HDAC9: variants seen among roughly 807,000 people sequenced by gnomAD.
HDAC9 encodes the protein histone deacetylase 9.
A neutral mutation model predicts 139.4 loss-of-function variants in HDAC9; 41 were observed. That is an observed-to-expected ratio of 0.29 (90% CI 0.23 to 0.38). HDAC9 has a LOEUF of 0.38. Ranked by LOEUF, HDAC9 falls within the 10% of genes least tolerant of loss-of-function variation. HDAC9 has a pLI of 1.00. For missense variants in HDAC9, 1,147 were observed against 1,297.0 expected, an observed-to-expected ratio of 0.88 and a Z score of 1.78; for synonymous variants, 517 against 476.2, an observed-to-expected ratio of 1.09 and a Z score of -1.12.
intron 13 of HDAC9, among the ~76,000 whole-genome samples, chr7:18,735,454 T>G (rs1786795032): frequency 6.6e-6 from 1 of 152,166 alleles, no homozygotes; most frequent in Non-Finnish European, 1.5e-5. Flanking sequence ...TCTACATATG[T>G]CTAGCCAGTT....
At chr7:18,201,240 C>G (rs897079551) in intron 2 of HDAC9, among the ~76,000 whole-genome samples, 4 of 152,118 alleles carry the variant, frequency 2.6e-5, no homozygotes, top group African/African-American at 9.7e-5. Context: ...AAATGTAGCT[C>G]CCCATATGTT....
At chr7:18,813,973 T>C (rs1794381215) in intron 17 of HDAC9, among the ~76,000 whole-genome samples, 2 of 152,200 alleles carry the variant, frequency 1.3e-5, no homozygotes, top group Admixed American at 1.3e-4. Flanking sequence ...AATGTCAGTT[T>C]CTCATTTGTA....
intron 17 of HDAC9, among the ~76,000 whole-genome samples, chr7:18,808,740 A>G (rs1001882381): frequency 6.6e-6 from 1 of 152,082 alleles, no homozygotes; most frequent in Non-Finnish European, 1.5e-5. Context: ...ATTCAATTCA[A>G]TCCTATCAAA....
At chr7:18,579,888 G>A (rs536334229) in intron 2 of HDAC9, among the ~76,000 whole-genome samples, 12 of 152,136 alleles carry the variant, frequency 7.9e-5, no homozygotes, top group African/African-American at 2.6e-4. Context: ...ACAAAATTGC[G>A]CATTCTTAAA....
chr7:18,579,907 A>G (rs1046222453), intron 2 of HDAC9, among the ~76,000 whole-genome samples: 2 of 152,124 alleles, frequency 1.3e-5, no homozygotes, highest in African/African-American at 2.4e-5. Flanking sequence ...AAGTTTTTTC[A>G]TACGTAAGGC....
At chr7:18,639,766 G>A (rs1246490881) in intron 8 of HDAC9, among the ~76,000 whole-genome samples, 1 of 151,986 alleles carries the variant, frequency 6.6e-6, no homozygotes, top group African/African-American at 2.4e-5. Context: ...TAAAGCCAAA[G>A]CTGATTGACA....
chr7:18,898,418 CAT>C (rs1045871354), intron 22 of HDAC9, among the ~76,000 whole-genome samples: 51 of 151,704 alleles, frequency 3.4e-4, no homozygotes, highest in Non-Finnish European at 1.0e-4. Flanking sequence ...ATTCTAAAAG[CAT>C]GTTATATTTT....
chr7:18,882,816 A>C (rs1006449146), intron 22 of HDAC9, among the ~76,000 whole-genome samples: 2 of 152,178 alleles, frequency 1.3e-5, no homozygotes, highest in African/African-American at 4.8e-5. Context: ...TGAGCACAAA[A>C]TATACAACAC....
At chr7:18,448,623 G>C (rs1488831253) in intron 1 of HDAC9, among the ~76,000 whole-genome samples, 1 of 152,072 alleles carries the variant, frequency 6.6e-6, no homozygotes, top group Admixed American at 6.6e-5. Context: ...TTTGAAAATG[G>C]ACCCATTCCA....
chr7:18,338,663 A>G (rs1562892612), intron 1 of HDAC9, among the ~76,000 whole-genome samples: 1 of 151,576 alleles, frequency 6.6e-6, no homozygotes, highest in Non-Finnish European at 1.5e-5. Flanking sequence ...TGGTCAAGGT[A>G]TATAATGCTT....
At chr7:18,304,379 C>T (rs924649627) in intron 1 of HDAC9, among the ~76,000 whole-genome samples, 9 of 152,178 alleles carry the variant, frequency 5.9e-5, no homozygotes, top group Non-Finnish European at 1.0e-4. Context: ...CTTCAGAGCT[C>T]ATACTCTCAA....
At chr7:18,375,931 A>G (rs908998327) in intron 1 of HDAC9, among the ~76,000 whole-genome samples, 1 of 152,220 alleles carries the variant, frequency 6.6e-6, no homozygotes, top group African/African-American at 2.4e-5. Flanking sequence ...GTGAAGAAAT[A>G]ATTATAAAAT....
chr7:18,493,851 G>A (rs75666263), upstream of HDAC9, among the ~76,000 whole-genome samples: 459 of 151,946 alleles, frequency 3.0e-3, 5 homozygotes, highest in African/African-American at 0.01. Flanking sequence ...GAGCTCCCCT[G>A]GTTCCACGGA....
At chr7:18,383,985 A>G (rs1585519909) in intron 1 of HDAC9, among the ~76,000 whole-genome samples, 1 of 135,094 alleles carries the variant, frequency 7.4e-6, no homozygotes, top group Non-Finnish European at 1.7e-5. Context: ...CATACTGGGT[A>G]TGTTTTACAA....
intron 1 of HDAC9, among the ~76,000 whole-genome samples, chr7:18,090,449 C>G (rs1050294538): frequency 4.6e-5 from 7 of 152,206 alleles, no homozygotes; most frequent in African/African-American, 1.7e-4. Context: ...AGCACACACA[C>G]CTCTGCAGAA....
At chr7:18,993,811 A>G (rs779267226) in intron 25 of HDAC9, among the ~76,000 whole-genome samples, 1 of 152,178 alleles carries the variant, frequency 6.6e-6, no homozygotes, top group Non-Finnish European at 1.5e-5. Context: ...TCAAAAATAC[A>G]TAAATAAATG....
chr7:18,863,335 C>T (rs1798250656), intron 21 of HDAC9, among the ~76,000 whole-genome samples: 1 of 152,186 alleles, frequency 6.6e-6, no homozygotes, highest in South Asian at 2.1e-4. Flanking sequence ...CAACCCATGG[C>T]CCATGGGCCA....
At chr7:18,484,416 A>G (rs1184441584) in intron 1 of HDAC9, among the ~76,000 whole-genome samples, 1 of 151,796 alleles carries the variant, frequency 6.6e-6, no homozygotes, top group Non-Finnish European at 1.5e-5. Context: ...ATGGGTTCTC[A>G]TTTCTTAACC....
At chr7:18,704,790 T>C (rs1170814578) in intron 12 of HDAC9, among the ~76,000 whole-genome samples, 4 of 152,164 alleles carry the variant, frequency 2.6e-5, no homozygotes, top group African/African-American at 9.7e-5. Context: ...TCACATAGCC[T>C]ACATATCACA....
Sources: allele counts gnomAD v4.1 joint callset (sites outside exome capture counted in the v4.1 genomes callset), GRCh38; gene constraint gnomAD v4.1.1; transcripts MANE v1.5; gene names NCBI Gene and HGNC (gene_info 2026-07-23, HGNC 2026-07-21).